ME3: variants seen among roughly 807,000 people sequenced by gnomAD.
ME3 encodes the protein NADP-dependent malic enzyme, mitochondrial.
A neutral mutation model predicts 68.9 loss-of-function variants in ME3; 48 were observed. That is an observed-to-expected ratio of 0.70 (90% CI 0.55 to 0.89). The LOEUF (loss-of-function observed/expected upper bound fraction) is 0.89. Among genes scored for constraint, ME3 ranks in the 40% least tolerant of loss-of-function variants. The pLI is 0.00. For synonymous variants in ME3, 320 were observed against 318.8 expected, an observed-to-expected ratio of 1.00 and a Z score of -0.04; for missense variants, 675 against 797.4, an observed-to-expected ratio of 0.85 and a Z score of 1.85.
At chr11:86,498,800 A>C (rs1030492045) in intron 5 of ME3, among the ~76,000 whole-genome samples, 1 of 152,218 alleles carries the variant, frequency 6.6e-6, no homozygotes, top group Non-Finnish European at 1.5e-5. Context: ...TGATGATGAT[A>C]GGAATAATTG....
rs1163128094 is a variant in ME3 at position 86,471,141 on chromosome 11, C to CTTTTTTTTTTTTTTTTTTTTTTT, written c.810-5964_810-5942dup. ...CCTACTTAAACTGTAAGGCCCAGAGCTTTTTTTTTTTTTTTTTTTTTTTTT... is the reference window on the plus strand; with the variant it reads ...CCTACTTAAACTGTAAGGCCCAGAGCTTTTTTTTTTTTTTTTTTTTTTTTTTTTTTTTTTTTTTTTTTTTTTTT... On this transcript the variant is annotated intron_variant, in intron 7 of 14. Coordinates refer to ENST00000543262, the Ensembl canonical transcript of ME3. 9.3e-5 allele frequency among the ~76,000 whole-genome samples: 7 copies of CTTTTTTTTTTTTTTTTTTTTTTT among 75,036 alleles called. 1 individual carries two copies. The highest frequency in any genetic ancestry group is 1.3e-4 in the African/African-American group (2 of 15,930). 49.2% of individuals were successfully genotyped at this position (75,036 alleles called of 152,430 possible). A position where few individuals can be genotyped will look rare whatever the true frequency, so the allele number is the denominator to read the frequency against.
intron 4 of ME3, among the ~76,000 whole-genome samples, chr11:86,530,556 A>G (rs1415618150): frequency 9.9e-5 from 15 of 152,238 alleles, no homozygotes; most frequent in Non-Finnish European, 1.5e-4. Flanking sequence ...TCCTAAGCCA[A>G]AAGAACAAAG....
intron 2 of ME3, among the ~76,000 whole-genome samples, chr11:86,570,855 T>A (rs889683685): frequency 6.6e-6 from 1 of 152,174 alleles, no homozygotes; most frequent in African/African-American, 2.4e-5. Context: ...GGTGCTGTGC[T>A]CACACAGCCA....
At chr11:86,654,021 A>G (rs1310318902) in intron 2 of ME3, among the ~76,000 whole-genome samples, 3 of 152,226 alleles carry the variant, frequency 2.0e-5, no homozygotes, top group African/African-American at 4.8e-5. Flanking sequence ...TCCTCGACAC[A>G]TACACCCTCC....
intron 4 of ME3, among the ~76,000 whole-genome samples, chr11:86,531,467 A>C (rs1015581296): frequency 1.3e-5 from 2 of 152,232 alleles, no homozygotes; most frequent in African/African-American, 4.8e-5. Context: ...TAGAACTAGA[A>C]ATACCACTTG....
At chr11:86,654,453 A>C (rs1271911317) in intron 2 of ME3, among the ~76,000 whole-genome samples, 1 of 152,240 alleles carries the variant, frequency 6.6e-6, no homozygotes, top group Non-Finnish European at 1.5e-5. Context: ...TATGCAAATC[A>C]ATAAACGTAA....
intron 2 of ME3, among the ~76,000 whole-genome samples, chr11:86,618,418 T>G (rs1195611684): frequency 6.6e-6 from 1 of 151,122 alleles, no homozygotes; most frequent in Non-Finnish European, 1.5e-5. Context: ...AAAATTCTTA[T>G]AGAGCTAATA....
chr11:86,654,583 G>A (rs1945720450), intron 2 of ME3, among the ~76,000 whole-genome samples: 1 of 152,174 alleles, frequency 6.6e-6, no homozygotes, highest in African/African-American at 2.4e-5. Flanking sequence ...ATTAGGTATT[G>A]ATGGGACATA....
At chr11:86,565,124 AT>A (rs1285026216) in intron 2 of ME3, among the ~76,000 whole-genome samples, 2 of 152,224 alleles carry the variant, frequency 1.3e-5, no homozygotes, top group Non-Finnish European at 2.9e-5. Flanking sequence ...AGAAATGCAA[AT>A]CAAAGCCACA....
chr11:86,613,824 C>G (rs1942766788), intron 2 of ME3, among the ~76,000 whole-genome samples: 1 of 152,062 alleles, frequency 6.6e-6, no homozygotes, highest in South Asian at 2.1e-4. Context: ...AGAGAGGATA[C>G]AAACAAATGG....
At chr11:86,637,349 CAAAAA>C (rs11402713) in intron 2 of ME3, among the ~76,000 whole-genome samples, 8 of 122,080 alleles carry the variant, frequency 6.6e-5, no homozygotes, top group African/African-American at 1.9e-4. Context: ...ACAAGAAGCA[CAAAAA>C]AAAAAAAAAA....
chr11:86,480,797 A>G (rs1019237452), intron 7 of ME3, among the ~76,000 whole-genome samples: 6 of 152,314 alleles, frequency 3.9e-5, no homozygotes, highest in Admixed American at 3.9e-4. Context: ...CTGCTTGGGA[A>G]GTTTCCAGAC....
At chr11:86,465,973 T>A (rs1950458462) in intron 7 of ME3, among the ~76,000 whole-genome samples, 1 of 152,200 alleles carries the variant, frequency 6.6e-6, no homozygotes, top group African/African-American at 2.4e-5. Context: ...TGAGAAACAA[T>A]GCCTTGTGGG....
intron 2 of ME3, among the ~76,000 whole-genome samples, chr11:86,591,729 G>A (rs566871261): frequency 2.0e-5 from 3 of 152,298 alleles, no homozygotes; most frequent in Admixed American, 6.5e-5. Context: ...ATTTTATGTG[G>A]ATGGCAACAG....
chr11:86,483,410 G>C (rs1001559323), intron 7 of ME3, among the ~76,000 whole-genome samples: 2 of 152,138 alleles, frequency 1.3e-5, no homozygotes, highest in Non-Finnish European at 2.9e-5. Flanking sequence ...GAGAGGCCAA[G>C]GGCTGTCTGA....
chr11:86,444,641 G>T (rs1420991259), intron 13 of ME3, among the ~76,000 whole-genome samples: 1 of 152,192 alleles, frequency 6.6e-6, no homozygotes, highest in Admixed American at 6.5e-5. Context: ...GTTGTCTGGA[G>T]CCATCCTGGG....
chr11:86,503,232 C>G (rs1191894097), intron 5 of ME3, among the ~76,000 whole-genome samples: 1 of 152,224 alleles, frequency 6.6e-6, no homozygotes, highest in African/African-American at 2.4e-5. Context: ...ATGAGTTAAT[C>G]TATGTAGAGC....
chr11:86,659,231 A>T (rs533101956), intron 2 of ME3, among the ~76,000 whole-genome samples: 1 of 152,296 alleles, frequency 6.6e-6, no homozygotes, highest in East Asian at 1.9e-4. Flanking sequence ...TTTAATATTA[A>T]AGCACTTCAT....
intron 2 of ME3, among the ~76,000 whole-genome samples, chr11:86,573,426 G>C (rs541324164): frequency 5.5e-4 from 64 of 115,458 alleles, no homozygotes; most frequent in African/African-American, 1.6e-3. Flanking sequence ...TTACATTTTA[G>C]TCTTTTTTTT....
Sources: allele counts gnomAD v4.1 joint callset (sites outside exome capture counted in the v4.1 genomes callset), GRCh38; gene constraint gnomAD v4.1.1; transcripts MANE v1.5; gene names NCBI Gene and HGNC (gene_info 2026-07-23, HGNC 2026-07-21).